The following PDE4D variants were observed in gnomAD, a reference collection of about 807,000 sequenced individuals.
PDE4D encodes 3',5'-cyclic-AMP phosphodiesterase 4D.
A neutral mutation model predicts 87.4 loss-of-function variants in PDE4D; 24 were observed. The observed-to-expected ratio is 0.27, with a 90% CI of 0.20 to 0.39. The LOEUF is 0.39. Among genes scored for constraint, PDE4D ranks in the 10% least tolerant of loss-of-function variants. The pLI, the probability that PDE4D is intolerant of heterozygous loss-of-function variation, is 1.00. For missense variants in PDE4D, 714 were observed against 1,041.0 expected (o/e 0.69, Z 4.32); for synonymous variants, 384 against 383.2 (o/e 1.00, Z -0.02).
In PDE4D at chr5:59,481,573, G is replaced by A. The variant is rs529238049; in HGVS notation, c.456-265605C>T. Among the ~76,000 whole-genome samples the A allele has an allele frequency of 6.2e-4, 94 of 152,148 alleles. 2 individuals carry two copies. The highest frequency in any genetic ancestry group is 9.2e-4 in the Admixed American group (14 of 15,252). On this transcript the variant is annotated intron_variant, in intron 1 of 14. Transcript: ENST00000340635. ...ATTCCCTGCTCTATGGGTGCATTTG[G>A]GTGGTGGTAAGGAAAGGCTGCTCCA...
intron 1 of PDE4D, among the ~76,000 whole-genome samples, chr5:59,225,675 C>T (rs1332163148): frequency 6.6e-6 from 1 of 151,892 alleles, no homozygotes; most frequent in Non-Finnish European, 1.5e-5. Context: ...AATGTTTCTG[C>T]ACAGCAAGGG....
chr5:59,475,643 G>A (rs1247797356), intron 1 of PDE4D, among the ~76,000 whole-genome samples: 1 of 151,992 alleles, frequency 6.6e-6, no homozygotes, highest in South Asian at 2.1e-4. Flanking sequence ...CTATCCCTAA[G>A]GTCCATTCTT....
intron 1 of PDE4D, among the ~76,000 whole-genome samples, chr5:60,469,969 A>G (rs1226257123): frequency 2.6e-5 from 4 of 152,208 alleles, no homozygotes; most frequent in Non-Finnish European, 5.9e-5. Context: ...AAAGCTCGGA[A>G]TGAATAAGCT....
At chr5:59,956,441 C>T (rs372424560) in intron 3 of PDE4D, among the ~76,000 whole-genome samples, 3 of 151,978 alleles carry the variant, frequency 2.0e-5, no homozygotes, top group African/African-American at 4.8e-5. Context: ...CAAAATATTT[C>T]GATAACATTC....
intron 1 of PDE4D, among the ~76,000 whole-genome samples, chr5:59,489,182 T>C (rs1426243751): frequency 2.0e-5 from 3 of 151,604 alleles, no homozygotes; most frequent in Admixed American, 2.0e-4. Context: ...GGAGAATCGC[T>C]TGAACCCTGG....
chr5:60,075,815 A>T (rs966658175), intron 2 of PDE4D, among the ~76,000 whole-genome samples: 6 of 152,152 alleles, frequency 3.9e-5, no homozygotes, highest in Admixed American at 1.3e-4. Flanking sequence ...TAATACTTAC[A>T]ATTAAATTAT....
chr5:59,319,721 T>G (rs577981472), intron 1 of PDE4D, among the ~76,000 whole-genome samples: 1 of 152,298 alleles, frequency 6.6e-6, no homozygotes, highest in South Asian at 2.1e-4. Context: ...CTATATATTT[T>G]ATGCATTTAT....
intron 1 of PDE4D, among the ~76,000 whole-genome samples, chr5:59,763,335 T>TA (rs1352329914): frequency 6.6e-6 from 1 of 150,678 alleles, no homozygotes; most frequent in Non-Finnish European, 1.5e-5. Flanking sequence ...AATAATAAAA[T>TA]AAAAAATAAA....
At chr5:60,367,919 C>T (rs1182391078) in intron 1 of PDE4D, among the ~76,000 whole-genome samples, 1 of 152,160 alleles carries the variant, frequency 6.6e-6, no homozygotes, top group Non-Finnish European at 1.5e-5. Flanking sequence ...CCTGACCTGT[C>T]CTGTTCTGCC....
chr5:59,033,208 CGCA>C (rs754864985), intron 6 of PDE4D, among the ~76,000 whole-genome samples: 58 of 152,170 alleles, frequency 3.8e-4, no homozygotes, highest in Non-Finnish European at 5.3e-4. Flanking sequence ...TCCTAATGGA[CGCA>C]GCAGAATTGT....
intron 1 of PDE4D, among the ~76,000 whole-genome samples, chr5:59,462,222 T>C (rs1272506185): frequency 6.6e-6 from 1 of 151,902 alleles, no homozygotes; most frequent in Non-Finnish European, 1.5e-5. Flanking sequence ...ATTTCCCTTC[T>C]TCAAATTATT....
At chr5:59,764,413 C>T (rs1762528613) in intron 1 of PDE4D, among the ~76,000 whole-genome samples, 1 of 152,106 alleles carries the variant, frequency 6.6e-6, no homozygotes, top group South Asian at 2.1e-4. Context: ...CTGAAGCACA[C>T]GTTAAGTAAC....
intron 6 of PDE4D, chr5:58,999,512 A>T (rs1274391737): frequency 1.3e-6 from 2 of 1,536,044 alleles, no homozygotes; most frequent in South Asian, 2.3e-5. Flanking sequence ...CAAGACACTG[A>T]CAGTAAATAG....
chr5:59,572,630 G>A (rs7712717), intron 1 of PDE4D, among the ~76,000 whole-genome samples: 1 of 152,046 alleles, frequency 6.6e-6, no homozygotes, highest in Non-Finnish European at 1.5e-5. Context: ...ACAGGCGCCC[G>A]CCACCACGCC....
intron 1 of PDE4D, among the ~76,000 whole-genome samples, chr5:59,302,400 A>G (rs900522800): frequency 1.3e-5 from 2 of 151,930 alleles, no homozygotes; most frequent in African/African-American, 4.8e-5. Context: ...TCCATAAGTT[A>G]TTAGGGTACA....
intron 5 of PDE4D, among the ~76,000 whole-genome samples, chr5:59,074,121 C>G (rs960435993): frequency 6.6e-6 from 1 of 152,182 alleles, no homozygotes; most frequent in Non-Finnish European, 1.5e-5. Context: ...AAGCTCCCAG[C>G]AAATTCTGTC....
intron 2 of PDE4D, among the ~76,000 whole-genome samples, chr5:59,204,481 A>G (rs1748289353): frequency 6.6e-6 from 1 of 152,234 alleles, no homozygotes; most frequent in Non-Finnish European, 1.5e-5. Flanking sequence ...AAATTTTCCA[A>G]GTTAAATAAT....
intron 1 of PDE4D, among the ~76,000 whole-genome samples, chr5:60,433,197 T>C (rs1744493489): frequency 6.6e-6 from 1 of 152,188 alleles, no homozygotes. Context: ...AAAGGTTTAA[T>C]ATCCAGAATC....
intron 1 of PDE4D, among the ~76,000 whole-genome samples, chr5:59,361,194 A>G (rs1282592273): frequency 6.6e-6 from 1 of 152,170 alleles, no homozygotes; most frequent in African/African-American, 2.4e-5. Flanking sequence ...GAAATCATGG[A>G]GGAAGAAATG....
Sources: allele counts gnomAD v4.1 joint callset (sites outside exome capture counted in the v4.1 genomes callset), GRCh38; gene constraint gnomAD v4.1.1; transcripts MANE v1.5; gene names NCBI Gene and HGNC (gene_info 2026-07-23, HGNC 2026-07-21).